ANO1: variants seen among roughly 807,000 people sequenced by gnomAD.
The protein encoded by ANO1 is anoctamin 1.
Under a neutral mutation model 124.0 loss-of-function variants are expected in ANO1, and 59 were observed. The observed-to-expected ratio is 0.48, with a 90% CI of 0.39 to 0.59. The LOEUF is 0.59. ANO1 is among the 20% of genes least tolerant of loss of function. The pLI is 0.00. For synonymous variants in ANO1, 529 were observed against 532.0 expected (o/e 0.99, Z 0.08); for missense variants, 1,059 against 1,328.0 (o/e 0.80, Z 3.15).
chr11:69,983,889 A>G (rs962330355), upstream of ANO1, among the ~76,000 whole-genome samples: 5 of 152,250 alleles, frequency 3.3e-5, no homozygotes, highest in African/African-American at 1.2e-4. Context: ...ATGGCTGTTT[A>G]ACATATTTCT....
chr11:70,172,149 AAAG>A (rs2048502908), intron 22 of ANO1, among the ~76,000 whole-genome samples: 1 of 151,892 alleles, frequency 6.6e-6, no homozygotes, highest in Admixed American at 6.6e-5. Context: ...AAAGAAAAGA[AAAG>A]AAAAAGAGTA....
chr11:70,185,611 G>C lies in ANO1; in HGVS notation c.2610G>C (p.Pro870=), dbSNP rs779132744. ...GCAGGTATAAAGACTACCGAGAGCCGCCGTGGTCGGAAAACAAGTACGACA... is the reference window on the plus strand; with the variant it reads ...GCAGGTATAAAGACTACCGAGAGCCCCCGTGGTCGGAAAACAAGTACGACA... The part of the protein sequence containing the change: ...QICRYKDYRE[P]PWSENKYDIS... Residue 870 remains proline (P), a synonymous_variant, in exon 25 of 26, where the codon CCG becomes CCC. Transcript: ENST00000355303. The C allele has an allele frequency of 6.2e-7, 1 of 1,613,870 alleles. No individual in the cohort carries two copies. Among genetic ancestry groups the C allele is most frequent in the East Asian group, 2.2e-5 (1 of 44,868 alleles).
At chr11:70,102,886 C>A (rs2045332463) in intron 2 of ANO1, among the ~76,000 whole-genome samples, 180 bp from the exon 3 acceptor site, 1 of 152,204 alleles carries the variant, frequency 6.6e-6, no homozygotes, top group African/African-American at 2.4e-5. Context: ...TTCCTCCCAC[C>A]TTCTGCTAAA....
chr11:70,108,436 T>C (rs2045645368), intron 6 of ANO1, 32 bp downstream of exon 6: 11 of 1,606,366 alleles, frequency 6.8e-6, no homozygotes, highest in African/African-American at 4.0e-5. Context: ...GAGATCAGCA[T>C]TGGTTTCCAA....
At chr11:70,015,056 T>C (rs1449642544) in intron 1 of ANO1, 1 of 152,034 alleles carries the variant, frequency 6.6e-6, no homozygotes, top group Non-Finnish European at 1.5e-5. Context: ...CGTGGACCAA[T>C]AGCAATTCTC....
intron 21 of ANO1, among the ~76,000 whole-genome samples, chr11:70,169,207 A>C (rs945305904): frequency 2.0e-5 from 3 of 152,124 alleles, no homozygotes; most frequent in African/African-American, 4.8e-5. Context: ...GCTGGACATC[A>C]CGTCCCGAGT....
At chr11:70,002,160 ATACT>A (rs1856393888) in intron 1 of ANO1, among the ~76,000 whole-genome samples, 1 of 151,856 alleles carries the variant, frequency 6.6e-6, no homozygotes, top group Non-Finnish European at 1.5e-5. Context: ...AGATATAAAA[ATACT>A]TACCAGCTGA....
chr11:70,153,923 G>A (rs1047449156), intron 14 of ANO1, among the ~76,000 whole-genome samples: 1 of 151,996 alleles, frequency 6.6e-6, no homozygotes, highest in African/African-American at 2.4e-5. Flanking sequence ...GTACCACCGT[G>A]TCCAGCTAAT....
chr11:70,013,804 A>AAAAAAGAAAAGAAAAG, intron 1 of ANO1, among the ~76,000 whole-genome samples: 1 of 130,506 alleles, frequency 7.7e-6, no homozygotes, highest in South Asian at 2.7e-4. Flanking sequence ...TCCATCTAAA[A>AAAAAAGAAAAGAAAAG]AAAAGAAAAG....
chr11:70,052,739 G>A (rs1485795623), intron 1 of ANO1, among the ~76,000 whole-genome samples: 1 of 151,538 alleles, frequency 6.6e-6, no homozygotes, highest in African/African-American at 2.4e-5. Flanking sequence ...ATTTTTAGTA[G>A]AGACAGGGTT....
the ANO1 span, among the ~76,000 whole-genome samples, chr11:69,974,878 C>G: frequency 7.6e-6 from 1 of 132,008 alleles, no homozygotes; most frequent in Non-Finnish European, 1.6e-5. Flanking sequence ...ACTAGGATGC[C>G]TCCGTCTCTA....
At chr11:69,966,227 G>A in the ANO1 span, among the ~76,000 whole-genome samples, 1 of 152,336 alleles carries the variant, frequency 6.6e-6, no homozygotes, top group Middle Eastern at 3.4e-3. Flanking sequence ...CCTGGAGGGA[G>A]AGAGGATCCT....
In ANO1 at chr11:70,086,779, G is replaced by A. The variant is rs138115167; in HGVS notation, c.109-973G>A. Among the ~76,000 whole-genome samples, 589 of 152,308 alleles carry A rather than the reference G, an allele frequency of 3.9e-3. 4 individuals carry two copies. The highest frequency in any genetic ancestry group is 0.013 in the African/African-American group (552 of 41,566). On this transcript the variant is annotated intron_variant, in intron 1 of 25. Coordinates refer to ENST00000355303, the MANE Select transcript of ANO1 (RefSeq NM_018043.7). ...ACCCCAGCTGCACATAGCGGTGGCC[G>A]CTCCTTAACCCACCCCTGTCAGCCT...
At chr11:70,020,572 A>C (rs1174250699) in intron 1 of ANO1, among the ~76,000 whole-genome samples, 2 of 152,208 alleles carry the variant, frequency 1.3e-5, no homozygotes, top group African/African-American at 2.4e-5. Context: ...AAGGGTCACC[A>C]GACGGGTATT....
rs375688366 is a variant in ANO1, at chr11:70,167,229, T to C, written c.2052-13T>C. 4.3e-5 allele frequency: 70 copies of C among 1,613,620 alleles called. No individual in the cohort carries two copies. Among genetic ancestry groups the C allele is most frequent in the Non-Finnish European group, 5.8e-5 (68 of 1,179,778 alleles). On this transcript the variant is annotated splice_polypyrimidine_tract_variant and intron_variant, in intron 20 of 25. Transcript: ENST00000355303. ...CTCCTGCAAACCTAACTGCATGATG[T>C]CTCATCTCTCAGGAAGATGAAGAAG...
chr11:70,104,986 G>A (rs934626515), intron 4 of ANO1, among the ~76,000 whole-genome samples: 1 of 152,150 alleles, frequency 6.6e-6, no homozygotes, highest in Non-Finnish European at 1.5e-5. Context: ...TGCCACCAGA[G>A]AGAAGGAAGC....
intron 7 of ANO1, among the ~76,000 whole-genome samples, chr11:70,112,122 G>A (rs116188642): frequency 2.4e-3 from 372 of 152,304 alleles, no homozygotes; most frequent in African/African-American, 8.6e-3. Flanking sequence ...GGCTCTGTAC[G>A]TGTCTATTTC....
intron 16 of ANO1, among the ~76,000 whole-genome samples, chr11:70,160,671 C>G (rs955287546): frequency 1.3e-5 from 2 of 152,210 alleles, no homozygotes; most frequent in African/African-American, 4.8e-5. Context: ...AGAGGCACAC[C>G]TCAGCCCTGC....
At chr11:70,008,642 G>C (rs1856537732) in intron 1 of ANO1, among the ~76,000 whole-genome samples, 1 of 69,396 alleles carries the variant, frequency 1.4e-5, no homozygotes, top group Non-Finnish European at 2.9e-5. Flanking sequence ...TACTCCTTTA[G>C]CTCTTTTTTT....
Sources: allele counts gnomAD v4.1 joint callset (sites outside exome capture counted in the v4.1 genomes callset), GRCh38; gene constraint gnomAD v4.1.1; transcripts MANE v1.5; gene names NCBI Gene and HGNC (gene_info 2026-07-23, HGNC 2026-07-21).